Variants in ATP8A1 observed in about 807,000 individuals in gnomAD.
The protein encoded by ATP8A1 is phospholipid-transporting ATPase IA.
A neutral mutation model predicts 177.7 loss-of-function variants in ATP8A1; 90 were observed. The ratio of observed to expected loss-of-function variants is 0.51; its 90% CI spans 0.43 to 0.60. The LOEUF is 0.60. Ranked by LOEUF, ATP8A1 falls within the 20% of genes least tolerant of loss-of-function variation. The pLI is 0.00. For synonymous variants in ATP8A1, 493 were observed against 485.9 expected, an observed-to-expected ratio of 1.01 and a Z score of -0.19; for missense variants, 1,072 against 1,392.8, an observed-to-expected ratio of 0.77 and a Z score of 3.67.
At chr4:42,522,358 G>T (rs1199781032) in intron 21 of ATP8A1, 59 bp from the exon 22 acceptor site, 1 of 1,573,268 alleles carries the variant, frequency 6.4e-7, no homozygotes, top group Non-Finnish European at 8.6e-7. Flanking sequence ...GAAGTCTGAG[G>T]TTTCTGTTTT....
intron 32 of ATP8A1, 52 bp from the exon 33 acceptor site, chr4:42,443,724 C>G: frequency 1.3e-6 from 1 of 793,058 alleles, no homozygotes; most frequent in Non-Finnish European, 2.3e-6. Flanking sequence ...ACCGAGTACA[C>G]AAATACTAAT....
intron 1 of ATP8A1, among the ~76,000 whole-genome samples, chr4:42,630,140 A>G (rs1473395215): frequency 6.6e-6 from 1 of 152,226 alleles, no homozygotes; most frequent in Non-Finnish European, 1.5e-5. Flanking sequence ...AACCACATAA[A>G]GAGCTACATG....
intron 4 of ATP8A1, among the ~76,000 whole-genome samples, chr4:42,623,009 C>CAAAAAAAAAAAA (rs200111147): frequency 8.6e-6 from 1 of 116,158 alleles, no homozygotes; most frequent in Admixed American, 8.8e-5. Context: ...AACTCTGTCT[C>CAAAAAAAAAAAA]AAAAAAAAAA....
In ATP8A1 at chr4:42,627,047, T is replaced by C; in HGVS notation, c.112A>G (p.Thr38Ala). 6.2e-7 allele frequency: 1 copy of C among 1,614,142 alleles called. No individual in the cohort carries two copies. Among genetic ancestry groups the C allele is most frequent in the South Asian group, 1.1e-5 (1 of 91,080 alleles). ...TSLADQEEVR[T>A]IFINQPQLTK... is the part of the protein sequence containing the mutation. ...AGCTGGGGCTGGTTGATGAAAATAG[T>C]CCTTACTTCCTCCTGGTCAGCCAGT... Residue 38 changes from threonine (T) to alanine (A), a missense_variant, in exon 2 of 37, where the codon ACT becomes GCT. Physicochemically the swap from Thr to Ala is moderately conservative, Grantham distance 58. Coordinates refer to ENST00000381668, the MANE Select transcript of ATP8A1 (RefSeq NM_006095.2).
In ATP8A1 at chr4:42,506,606, C is replaced by T. The variant is rs148566882; in HGVS notation, c.2086+410G>A. Among the ~76,000 whole-genome samples, 6 of 152,306 alleles carry T rather than the reference C, an allele frequency of 3.9e-5. No individual in the cohort carries two copies. The East Asian group carries it at 9.6e-4, about 24-fold the overall frequency. On this transcript the variant is annotated intron_variant, in intron 23 of 36. Coordinates refer to ENST00000381668, the MANE Select transcript of ATP8A1 (RefSeq NM_006095.2). ...ACAGCCGATCTTGAACTTCCAGCTT[C>T]TAGAACTGTGTGAAAATAAATTTCT...
At chr4:42,550,643 A>C (rs1223269627) in intron 18 of ATP8A1, among the ~76,000 whole-genome samples, 1 of 152,178 alleles carries the variant, frequency 6.6e-6, no homozygotes, top group Non-Finnish European at 1.5e-5. Flanking sequence ...AAAATAAAAG[A>C]AAAAGTGGCC....
At position 42,530,846 on chromosome 4, in the gene ATP8A1, G is replaced by T. The variant is rs185677941; in HGVS notation, c.1723-5999C>A. Among the ~76,000 whole-genome samples, 30 of 152,272 alleles carry T rather than the reference G, an allele frequency of 2.0e-4. No individual in the cohort carries two copies. The East Asian group carries it at 5.6e-3, about 28-fold the overall frequency. Reference sequence around the variant, plus strand: ...GGGGTCCAGGAATCAAGGGGTGGAAGTGGAAGTGGCACCACTCACCATCAC... The same window carrying T: ...GGGGTCCAGGAATCAAGGGGTGGAATTGGAAGTGGCACCACTCACCATCAC... On this transcript the variant is annotated intron_variant, in intron 20 of 36. Coordinates refer to ENST00000381668, the MANE Select transcript of ATP8A1 (RefSeq NM_006095.2).
chr4:42,503,586 T>A, intron 23 of ATP8A1, 72 bp from the exon 24 acceptor site: 1 of 996,644 alleles, frequency 1.0e-6, no homozygotes, highest in South Asian at 1.6e-5. Flanking sequence ...AACAATGATA[T>A]GTACTATGAA....
At chr4:42,589,781 G>A (rs1481969291) in intron 7 of ATP8A1, among the ~76,000 whole-genome samples, 1 of 151,628 alleles carries the variant, frequency 6.6e-6, no homozygotes, top group Non-Finnish European at 1.5e-5. Flanking sequence ...ATAGAAGCAC[G>A]ATGACAAAGA....
At chr4:42,446,322 C>A (rs1258724565) in intron 31 of ATP8A1, among the ~76,000 whole-genome samples, 1 of 151,982 alleles carries the variant, frequency 6.6e-6, no homozygotes, top group East Asian at 1.9e-4. Context: ...AGAAAGGAGA[C>A]CCCCCAGATT....
intron 35 of ATP8A1, among the ~76,000 whole-genome samples, chr4:42,421,755 G>GTAAAATATTTCCTAT (rs1713959735): frequency 1.3e-5 from 2 of 151,880 alleles, no homozygotes; most frequent in African/African-American, 4.8e-5. Flanking sequence ...ATATACTAGG[G>GTAAAATATTTCCTAT]TAAAATATTT....
At chr4:42,542,331 G>A (rs1424479529) in intron 20 of ATP8A1, among the ~76,000 whole-genome samples, 2 of 151,884 alleles carry the variant, frequency 1.3e-5, no homozygotes, top group Non-Finnish European at 2.9e-5. Context: ...AAGTTTCTAG[G>A]TAGAAGATGA....
At chr4:42,651,816 T>C (rs773287717) in intron 1 of ATP8A1, among the ~76,000 whole-genome samples, 3 of 152,210 alleles carry the variant, frequency 2.0e-5, no homozygotes, top group Non-Finnish European at 4.4e-5. Flanking sequence ...CCTTATGACT[T>C]TGTGTAGCAG....
chr4:42,617,421 C>T (rs1365701886), intron 4 of ATP8A1, among the ~76,000 whole-genome samples: 1 of 152,166 alleles, frequency 6.6e-6, no homozygotes, highest in Admixed American at 6.5e-5. Context: ...CATATTATTG[C>T]TTCCAAAAGC....
At chr4:42,507,729 CAAAAAAAAAAA>C (rs34269384) in intron 22 of ATP8A1, among the ~76,000 whole-genome samples, 45 of 8,916 alleles carry the variant, frequency 5.0e-3, no homozygotes, top group Non-Finnish European at 0.01. Flanking sequence ...GACTCCATCT[CAAAAAAAAAAA>C]AAAAAAAAAA....
intron 1 of ATP8A1, among the ~76,000 whole-genome samples, chr4:42,647,382 A>G (rs984715486): frequency 6.6e-6 from 1 of 152,196 alleles, no homozygotes; most frequent in Non-Finnish European, 1.5e-5. Flanking sequence ...GTAGCTACTG[A>G]GCACATGAAA....
At chr4:42,652,795 G>A (rs919127510) in intron 1 of ATP8A1, among the ~76,000 whole-genome samples, 2 of 152,040 alleles carry the variant, frequency 1.3e-5, no homozygotes, top group African/African-American at 2.4e-5. Flanking sequence ...TTCACTTTCC[G>A]CCATGACTGT....
At chr4:42,538,439 A>G (rs1728055438) in intron 20 of ATP8A1, among the ~76,000 whole-genome samples, 1 of 152,140 alleles carries the variant, frequency 6.6e-6, no homozygotes, top group African/African-American at 2.4e-5. Flanking sequence ...TAAAAAGCAC[A>G]GCAAAAAATA....
At position 42,584,188 on chromosome 4, in the gene ATP8A1, A is replaced by G. The variant is rs182611174; in HGVS notation, c.722+2161T>C. 7.9e-5 allele frequency among the ~76,000 whole-genome samples: 12 copies of G among 152,330 alleles called. No homozygotes were observed. In the East Asian group the frequency reaches 2.1e-3, roughly 27 times the overall value. On this transcript the variant is annotated intron_variant, in intron 9 of 36. Coordinates refer to ENST00000381668, the MANE Select transcript of ATP8A1 (RefSeq NM_006095.2). ...GCTGCTGAGTTCAACTAGTATATTTAGCCAACATTTAGTTGGCCACTACAA... is the reference window on the plus strand; with the variant it reads ...GCTGCTGAGTTCAACTAGTATATTTGGCCAACATTTAGTTGGCCACTACAA...
Sources: gnomAD v4.1 joint callset for allele counts (sites outside exome capture counted in the v4.1 genomes callset) on GRCh38, gnomAD v4.1.1 for gene constraint, MANE v1.5 for transcripts, NCBI Gene and HGNC (gene_info 2026-07-23, HGNC 2026-07-21) for gene names.